The following SMIM29 variants were observed in gnomAD, a reference collection of about 807,000 sequenced individuals.
SMIM29 encodes uncharacterized protein C6orf1.
A neutral mutation model predicts 12.9 loss-of-function variants in SMIM29; 4 were observed. The ratio of observed to expected loss-of-function variants is 0.31; its 90% CI spans 0.15 to 0.71. The LOEUF (loss-of-function observed/expected upper bound fraction) is 0.71, where lower values mean the gene tolerates loss of function less well. Ranked by LOEUF, SMIM29 falls within the 30% of genes least tolerant of loss-of-function variation. SMIM29 has a pLI of 0.70. For synonymous variants in SMIM29, 50 were observed against 52.0 expected (o/e 0.96, Z 0.17); for missense variants, 122 against 138.1 (o/e 0.88, Z 0.58).
Position 34,247,487 on chromosome 6 carries a change from C to G in SMIM29, c.117G>C (p.Met39Ile), listed in dbSNP as rs374464893. 20 of 1,577,680 alleles carry G rather than the reference C, an allele frequency of 1.3e-5. No homozygotes were observed. The highest frequency in any genetic ancestry group is 1.7e-5 in the Non-Finnish European group (20 of 1,161,060). The change falls in exon 3 of 5, where the codon ATG becomes ATC. Residue 39 changes from methionine to isoleucine, a missense_variant. Met to Ile is a conservative substitution (Grantham distance 10, BLOSUM62 1). Coordinates refer to ENST00000476320, the MANE Select transcript of SMIM29 (RefSeq NM_001008703.4). ...TLVGVVVAVV[M>I]YVQKKKRVDR... ...CTCACCGCTTTTTCTTCTGTACATA[C>G]ATTACCTGCAACAGAGACACAGCAC...
At chr6:34,248,235 A>G (rs1224249008) in intron 1 of SMIM29, 3 of 985,338 alleles carry the variant, frequency 3.0e-6, no homozygotes, top group Non-Finnish European at 2.4e-6. Context: ...TGTCCAGTGG[A>G]GCAAAATGGA....
chr6:34,248,228 C>T (rs368228131), intron 1 of SMIM29: 1 of 985,468 alleles, frequency 1.0e-6, no homozygotes. Context: ...CAGCACCTGT[C>T]CAGTGGAGCA....
At chr6:34,248,285 G>A in intron 1 of SMIM29, 1 of 985,432 alleles carries the variant, frequency 1.0e-6, no homozygotes, top group Non-Finnish European at 1.2e-6. Context: ...TGCAGCCAGG[G>A]GTGAGATGGG....
At position 34,246,811 on chromosome 6, in the gene SMIM29, T is replaced by C. The variant is rs769287631; in HGVS notation, c.301A>G (p.Lys101Glu). The C allele has an allele frequency of 2.5e-6, 4 of 1,612,774 alleles. No homozygotes were observed. Among genetic ancestry groups the C allele is most frequent in the Non-Finnish European group, 3.4e-6 (4 of 1,179,882 alleles). Residue 101 changes from lysine (K) to glutamate (E), a missense_variant, in exon 5 of 5, where the codon AAG (lysine) becomes GAG (glutamate). Physicochemically the swap from Lys to Glu is moderately conservative, Grantham distance 56. Coordinates refer to ENST00000476320, the MANE Select transcript of SMIM29 (RefSeq NM_001008703.4). ...GGGGCAAGGGGGTCAGGTCACGTCT[T>C]GACATCCAGCAGTGGCATCCGCTTG... ...QHKRMPLLDV[K>E]T
rs751770959 is a variant in SMIM29 at position 34,246,469 on chromosome 6, C to G, written c.*334G>C. ...TGGCCCCATCACCATGGAAACAACT[C>G]CAAAGCCTGCCTGGGGATTTGTGCC... On this transcript the variant is annotated 3_prime_UTR_variant, in exon 5 of 5. Coordinates refer to ENST00000476320, the MANE Select transcript of SMIM29 (RefSeq NM_001008703.4). 2 of 1,515,716 alleles carry G rather than the reference C, an allele frequency of 1.3e-6. No homozygotes were observed. Among genetic ancestry groups the G allele is most frequent in the East Asian group, 2.3e-5 (1 of 43,968 alleles). 93.9% of individuals were successfully genotyped at this position (1,515,716 alleles called of 1,614,324 possible). A position where few individuals can be genotyped will look rare whatever the true frequency, so the allele number is the denominator to read the frequency against.
chr6:34,248,429 C>A, intron 1 of SMIM29: 1 of 985,346 alleles, frequency 1.0e-6, no homozygotes, highest in East Asian at 1.1e-4. Flanking sequence ...CCATCTGTCT[C>A]GTGTGCCAGG....
At chr6:34,248,403 C>G (rs1284366570) in intron 1 of SMIM29, 1 of 985,308 alleles carries the variant, frequency 1.0e-6, no homozygotes, top group African/African-American at 1.7e-5. Flanking sequence ...GACATACAGC[C>G]CAAACACCCT....
rs1762868176 is a variant in SMIM29 at position 34,247,882 on chromosome 6, A to G, written c.-73-18T>C. ...TGGGCTCCCTGGGAAGGAGGAAGGG[A>G]GGTTATCAGTTGCACCCAGGTGACA... On this transcript the variant is annotated intron_variant, in intron 1 of 4. Coordinates refer to ENST00000476320, the MANE Select transcript of SMIM29 (RefSeq NM_001008703.4). The G allele has an allele frequency of 8.0e-7, 1 of 1,256,976 alleles. No homozygotes were observed. The highest frequency in any genetic ancestry group is 1.0e-6 in the Non-Finnish European group (1 of 1,003,708). 77.9% of individuals were successfully genotyped at this position (1,256,976 alleles called of 1,614,324 possible).
At chr6:34,248,796 G>A in intron 1 of SMIM29, 183 bp downstream of exon 1, 9 of 985,820 alleles carry the variant, frequency 9.1e-6, no homozygotes, top group Non-Finnish European at 1.1e-5. Flanking sequence ...GCCGCTGCTA[G>A]GATGCGGGCC....
chr6:34,247,769 T>A lies in SMIM29; in HGVS notation c.23A>T (p.Asn8Ile). Residue 8 changes from asparagine to isoleucine, a missense_variant, in exon 2 of 5, where the codon AAT (asparagine) becomes ATT (isoleucine). Coordinates refer to ENST00000476320, the MANE Select transcript of SMIM29 (RefSeq NM_001008703.4). MSNTTVPNAPQANSDSMV... is the reference protein window; with the variant it reads MSNTTVPIAPQANSDSMV... ...GGAGTCGCTGTTGGCCTGGGGGGCATTGGGCACAGTGGTGTTACTCATGAC... is the reference window on the plus strand; with the variant it reads ...GGAGTCGCTGTTGGCCTGGGGGGCAATGGGCACAGTGGTGTTACTCATGAC... The A allele has an allele frequency of 6.7e-6, 9 of 1,350,616 alleles. No individual in the cohort carries two copies. Among genetic ancestry groups the A allele is most frequent in the Non-Finnish European group, 8.5e-6 (9 of 1,057,020 alleles). 83.7% of individuals were successfully genotyped at this position (1,350,616 alleles called of 1,614,324 possible). A position where few individuals can be genotyped will look rare whatever the true frequency, so the allele number is the denominator to read the frequency against.
At position 34,247,475 on chromosome 6, in the gene SMIM29, C is replaced by T. The variant is rs1007158885; in HGVS notation, c.129G>A (p.Lys43=). ...GGGACAGGGACACTCACCGCTTTTT[C>T]TTCTGTACATACATTACCTGCAACA... ...VVVAVVMYVQ[K]KKRVDRLRHH... The change falls in exon 3 of 5, where the codon AAG becomes AAA. Residue 43 remains lysine, a synonymous_variant. Transcript: ENST00000476320. The T allele has an allele frequency of 1.9e-6, 3 of 1,579,262 alleles. No homozygotes were observed. The highest frequency in any genetic ancestry group is 2.6e-6 in the Non-Finnish European group (3 of 1,161,838).
Position 34,246,831 on chromosome 6 carries a change from C to T in SMIM29, c.281G>A (p.Arg94Gln), listed in dbSNP as rs201938239. 5.8e-5 allele frequency: 93 copies of T among 1,611,730 alleles called. No homozygotes were observed. The highest frequency in any genetic ancestry group is 6.7e-5 in the Non-Finnish European group (79 of 1,179,314). The change falls in exon 5 of 5, where the codon CGG (arginine) becomes CAG (glutamine). Residue 94 changes from arginine (R) to glutamine (Q), a missense_variant. Arg to Gln is a conservative substitution (Grantham distance 43). Transcript: ENST00000476320. ...CGTCTTGACATCCAGCAGTGGCATC[C>T]GCTTGTGCTGGTAGCCACTCTGCCA... is the stretch of plus-strand genomic sequence containing the variant. The part of the protein sequence containing the change: ...HGWQSGYQHK[R>Q]MPLLDVKT
rs199814662 is a variant in SMIM29, at chr6:34,247,524, C to T, written c.112-32G>A. 4.5e-6 allele frequency: 7 copies of T among 1,561,578 alleles called. No individual in the cohort carries two copies. The Middle Eastern group carries it at 5.0e-4, about 112-fold the overall frequency. On this transcript the variant is annotated intron_variant, in intron 2 of 4. Coordinates refer to ENST00000476320, the MANE Select transcript of SMIM29 (RefSeq NM_001008703.4). ...CAGAGACACAGCACTGTGGGGGCTGCTGAGCCCAGGAAGGCCCACAGGCAG... is the reference window on the plus strand; with the variant it reads ...CAGAGACACAGCACTGTGGGGGCTGTTGAGCCCAGGAAGGCCCACAGGCAG...
rs1352426598 is a variant in SMIM29, at chr6:34,248,889, G to A, written c.-74+90C>T. 3.0e-6 allele frequency: 3 copies of A among 985,530 alleles called. No homozygotes were observed. In the African/African-American group the frequency reaches 5.2e-5, roughly 17 times the overall value. The allele number at this position is 985,530 out of a possible 1,614,324, so 61.0% of individuals were successfully genotyped here. On this transcript the variant is annotated intron_variant, in intron 1 of 4. Coordinates refer to ENST00000476320, the MANE Select transcript of SMIM29 (RefSeq NM_001008703.4). ...GGGTGTTGGGGGATGCGGATGGGCC[G>A]CCCCGCGCCCGAACATCCTGGAAGC...
intron 3 of SMIM29, 34 bp from the exon 4 acceptor site, chr6:34,247,183 T>TC: frequency 1.9e-6 from 3 of 1,607,902 alleles, no homozygotes; most frequent in Non-Finnish European, 2.5e-6. Flanking sequence ...AGCTAGGAGG[T>TC]CCCCCCAACC....
In SMIM29 at chr6:34,246,512, G is replaced by C; in HGVS notation, c.*291C>G. 1.3e-6 allele frequency: 2 copies of C among 1,544,012 alleles called. No homozygotes were observed. Among genetic ancestry groups the C allele is most frequent in the Middle Eastern group, 3.5e-4 (2 of 5,702 alleles). ...TTTGTGCCCAAGCCCAGCCCAGGAG[G>C]GCTAGAGAAAGCAAAGGTGTCTACC... On this transcript the variant is annotated 3_prime_UTR_variant, in exon 5 of 5. Coordinates refer to ENST00000476320, the MANE Select transcript of SMIM29 (RefSeq NM_001008703.4).
chr6:34,247,714 G>T lies in SMIM29; in HGVS notation c.78C>A (p.Phe26Leu). 1 of 1,397,452 alleles carries T rather than the reference G, an allele frequency of 7.2e-7. No individual in the cohort carries two copies. The highest frequency in any genetic ancestry group is 9.2e-7 in the Non-Finnish European group (1 of 1,082,600). The allele number at this position is 1,397,452 out of a possible 1,614,324, so 86.6% of individuals were successfully genotyped here. The change falls in exon 2 of 5, where the codon TTC becomes TTA. Residue 26 changes from phenylalanine to leucine, a missense_variant. Phe to Leu is a conservative substitution (Grantham distance 22). Coordinates refer to ENST00000476320, the MANE Select transcript of SMIM29 (RefSeq NM_001008703.4). Reference protein sequence around the residue: ...SMVGYVLGPFFLITLVGVVVA... With the variant: ...SMVGYVLGPFLLITLVGVVVA... ...CCACCACCCCGACCAGGGTGATGAG[G>T]AAGAAGGGCCCCAACACATAGCCCA...
intron 3 of SMIM29, 72 bp from the exon 4 acceptor site, chr6:34,247,221 C>CT: frequency 1.3e-6 from 2 of 1,593,582 alleles, no homozygotes; most frequent in Non-Finnish European, 8.6e-7. Context: ...TGCCTCGTCT[C>CT]CTCCCTTTCC....
Position 34,246,716 on chromosome 6 carries a change from G to A in SMIM29, c.*87C>T, listed in dbSNP as rs756019556. On this transcript the variant is annotated 3_prime_UTR_variant, in exon 5 of 5. Coordinates refer to ENST00000476320, the MANE Select transcript of SMIM29 (RefSeq NM_001008703.4). Reference sequence around the variant, plus strand: ...ATGGAGACCCAGCACCCAGCAGGGGGAGCCAGGTGACAGCAGGGGAAGCAG... The same window carrying A: ...ATGGAGACCCAGCACCCAGCAGGGGAAGCCAGGTGACAGCAGGGGAAGCAG... 3 of 1,613,640 alleles carry A rather than the reference G, an allele frequency of 1.9e-6. No homozygotes were observed. The highest frequency in any genetic ancestry group is 2.5e-6 in the Non-Finnish European group (3 of 1,179,876).
Sources: allele counts gnomAD v4.1 joint callset, GRCh38; gene constraint gnomAD v4.1.1; transcripts MANE v1.5; gene names NCBI Gene and HGNC (gene_info 2026-07-23, HGNC 2026-07-21).